ZNF395: variants seen among roughly 807,000 people sequenced by gnomAD.
ZNF395 encodes zinc finger protein 395, also known as HD gene regulatory region-binding protein 2.
A neutral mutation model predicts 57.7 loss-of-function variants in ZNF395; 20 were observed. The ratio of observed to expected loss-of-function variants is 0.35; its 90% CI spans 0.24 to 0.50. The LOEUF is 0.50. ZNF395 is among the 20% of genes least tolerant of loss of function. The pLI, the probability that ZNF395 is intolerant of heterozygous loss-of-function variation, is 0.97. For synonymous variants in ZNF395, 295 were observed against 275.9 expected (o/e 1.07, Z -0.69); for missense variants, 606 against 671.2 (o/e 0.90, Z 1.07).
In ZNF395 at chr8:28,351,708, GGCAGCA is replaced by G. The variant is rs547945591; in HGVS notation, c.1014_1019del (p.Ala340_Ala341del). On this transcript the variant is annotated inframe_deletion, in exon 7 of 10. Transcript: ENST00000344423. Reference sequence around the variant, plus strand: ...GAGTCCCAGGGACTGGGGTGCCTGCGGCAGCAGCAGCAGCAGCAGCAGCAGATTCCT... The same window carrying G: ...GAGTCCCAGGGACTGGGGTGCCTGCGGCAGCAGCAGCAGCAGCAGATTCCT... 2.2e-5 allele frequency: 36 copies of G among 1,608,814 alleles called. No individual in the cohort carries two copies. Among genetic ancestry groups the G allele is most frequent in the Middle Eastern group, 1.6e-4 (1 of 6,080 alleles).
At chr8:28,376,783 T>A (rs1182903301) in intron 1 of ZNF395, among the ~76,000 whole-genome samples, 1 of 152,196 alleles carries the variant, frequency 6.6e-6, no homozygotes, top group Non-Finnish European at 1.5e-5. Flanking sequence ...TGTCATCAAA[T>A]GTACAAAAAT....
intron 1 of ZNF395, among the ~76,000 whole-genome samples, chr8:28,385,771 G>A (rs1377492109): frequency 1.3e-5 from 2 of 148,610 alleles, no homozygotes; most frequent in South Asian, 2.1e-4. Context: ...TCCGAGAGTG[G>A]GGGCGCCGGC....
Position 28,352,753 on chromosome 8 carries a change from C to T in ZNF395, c.820-80G>A. 1 of 1,290,684 alleles carries T rather than the reference C, an allele frequency of 7.7e-7. No homozygotes were observed. The allele number at this position is 1,290,684 out of a possible 1,614,324, so 80.0% of individuals were successfully genotyped here. ...CAACCTTACCCAGTGGGGACTCAAA[C>T]TGGCTGCTGTCCCCGGCCTGACCCA... is the stretch of plus-strand genomic sequence containing the variant. On this transcript the variant is annotated intron_variant, in intron 5 of 9. Transcript: ENST00000344423. This position sits in a 1 kb window ranked among gnomAD's most constrained non-coding sequence, Gnocchi z 4.0.
intron 1 of ZNF395, among the ~76,000 whole-genome samples, chr8:28,378,203 C>G (rs1802067344): frequency 6.6e-6 from 1 of 152,088 alleles, no homozygotes; most frequent in Non-Finnish European, 1.5e-5. Flanking sequence ...TGAGTTCTGA[C>G]CCAACTTAAA....
At chr8:28,379,744 A>C (rs887738850) in intron 1 of ZNF395, among the ~76,000 whole-genome samples, 1 of 151,004 alleles carries the variant, frequency 6.6e-6, no homozygotes, top group Non-Finnish European at 1.5e-5. Flanking sequence ...CATCTACTTT[A>C]CCCTTTCTTG....
At chr8:28,358,728 T>C (rs996324730) in intron 3 of ZNF395, among the ~76,000 whole-genome samples, 15 of 152,182 alleles carry the variant, frequency 9.9e-5, no homozygotes, top group Admixed American at 2.0e-4. Context: ...CTGGCCTAAA[T>C]AGTTTTAAAA....
chr8:28,360,237 C>T (rs973739331), intron 2 of ZNF395, among the ~76,000 whole-genome samples: 28 of 152,242 alleles, frequency 1.8e-4, no homozygotes, highest in Non-Finnish European at 1.5e-5. Context: ...GGTGCAGAGA[C>T]AGGCCAACCT....
chr8:28,362,951 A>C (rs1801867679), intron 1 of ZNF395, among the ~76,000 whole-genome samples: 1 of 152,214 alleles, frequency 6.6e-6, no homozygotes, highest in South Asian at 2.1e-4. Context: ...AAAAGGTTGG[A>C]GTCACAGCAC....
At position 28,360,971 on chromosome 8, in the gene ZNF395, T is replaced by C. The variant is rs1195907743; in HGVS notation, c.154A>G (p.Thr52Ala). Reference sequence around the variant, plus strand: ...TCCTTGGGCTGCTCCTGGCAGGGGGTGTCATCAGAGGTGGTGAAAGGCTGG... The same window carrying C: ...TCCTTGGGCTGCTCCTGGCAGGGGGCGTCATCAGAGGTGGTGAAAGGCTGG... Reference protein sequence around the residue: ...APQPFTTSDDTPCQEQPKEVL... With the variant: ...APQPFTTSDDAPCQEQPKEVL... Residue 52 changes from threonine (T) to alanine (A), a missense_variant, in exon 2 of 10, where the codon ACC becomes GCC. By Grantham distance (58) the Thr-to-Ala change is moderately conservative. Around this residue, in one of 3 missense-constraint regions of ZNF395, gnomAD observed 309 missense variants for 374.7 expected, o/e 0.82. Coordinates refer to ENST00000344423, the MANE Select transcript of ZNF395 (RefSeq NM_018660.3). The C allele has an allele frequency of 6.2e-7, 1 of 1,612,930 alleles. No individual in the cohort carries two copies. Among genetic ancestry groups the C allele is most frequent in the East Asian group, 2.2e-5 (1 of 44,878 alleles).
At chr8:28,350,357 G>A (rs930692510) in intron 7 of ZNF395, among the ~76,000 whole-genome samples, 4 of 152,152 alleles carry the variant, frequency 2.6e-5, no homozygotes, top group Admixed American at 1.3e-4. Flanking sequence ...TCCTTATTGC[G>A]AGGCTCCAAT....
chr8:28,367,891 GA>G (rs1266514145), intron 1 of ZNF395, among the ~76,000 whole-genome samples: 1 of 152,218 alleles, frequency 6.6e-6, no homozygotes, highest in African/African-American at 2.4e-5. Flanking sequence ...AAAGTATCAA[GA>G]GCATTCGAAC....
Position 28,352,536 on chromosome 8 carries a change from C to T in ZNF395, c.920+37G>A, listed in dbSNP as rs561682089. ...TCGGCAGGGTGGAGGGACACCCACA[C>T]GCGACCCTAGGCTAGAGGCCCTGGG... On this transcript the variant is annotated intron_variant, in intron 6 of 9. Coordinates refer to ENST00000344423, the MANE Select transcript of ZNF395 (RefSeq NM_018660.3). This position sits in a 1 kb window ranked among gnomAD's most constrained non-coding sequence, Gnocchi z 4.0. The T allele has an allele frequency of 1.0e-5, 16 of 1,583,746 alleles. No individual in the cohort carries two copies. The highest frequency in any genetic ancestry group is 1.7e-4 in the Middle Eastern group (1 of 5,896).
intron 4 of ZNF395, among the ~76,000 whole-genome samples, chr8:28,355,005 C>T (rs1429833732): frequency 1.3e-5 from 2 of 151,834 alleles, no homozygotes; most frequent in Admixed American, 1.3e-4. Context: ...TTGACTGGCA[C>T]ACAAAGAAAG....
In ZNF395 at chr8:28,356,683, C is replaced by A. The variant is rs749494663; in HGVS notation, c.570G>T (p.Glu190Asp). ...CCGCTTGCTCACCAGAGAAGTTGGCCTCGGTCCCGGGAGGACTCTGTACAA... is the reference window on the plus strand; with the variant it reads ...CCGCTTGCTCACCAGAGAAGTTGGCATCGGTCCCGGGAGGACTCTGTACAA... ...SPVVQSPPGT[E>D]ANFSASRAAC... The change falls in exon 4 of 10, where the codon GAG becomes GAT. Residue 190 changes from glutamate to aspartate, a missense_variant. Transcript: ENST00000344423. The surrounding 1 kb of genome is among the most constrained non-coding windows in gnomAD (Gnocchi z 4.0). 1 of 1,613,970 alleles carries A rather than the reference C, an allele frequency of 6.2e-7. No individual in the cohort carries two copies. Among genetic ancestry groups the A allele is most frequent in the East Asian group, 2.2e-5 (1 of 44,880 alleles).
intron 4 of ZNF395, among the ~76,000 whole-genome samples, chr8:28,354,004 T>G (rs1801750652): frequency 6.6e-6 from 1 of 152,210 alleles, no homozygotes; most frequent in African/African-American, 2.4e-5. Flanking sequence ...CAACTCAGCC[T>G]TTGCAACTCT....
intron 5 of ZNF395, 141 bp downstream of exon 5, chr8:28,353,032 A>G: frequency 1.4e-6 from 1 of 716,060 alleles, no homozygotes. Context: ...CAGGTAACAG[A>G]AGCAGCAATA....
rs180880374 is a variant in ZNF395 at position 28,354,877 on chromosome 8, C to A, written c.584-1469G>T. On this transcript the variant is annotated intron_variant, in intron 4 of 9. Transcript: ENST00000344423. ...ATACTACATGGCAACATCTAGGATG[C>A]TCAGGACTCCGGGACAAAGAGCAGG... Among the ~76,000 whole-genome samples, 90 of 151,302 alleles carry A rather than the reference C, an allele frequency of 5.9e-4. 1 individual carries two copies. Among genetic ancestry groups the A allele is most frequent in the Admixed American group, 5.3e-3 (80 of 15,092 alleles).
At chr8:28,363,889 T>C (rs886198604) in intron 1 of ZNF395, among the ~76,000 whole-genome samples, 2 of 152,206 alleles carry the variant, frequency 1.3e-5, no homozygotes, top group Non-Finnish European at 2.9e-5. Context: ...CGGATTCGCA[T>C]GGAGCTGGTG....
Position 28,356,769 on chromosome 8 carries a change from C to A in ZNF395, c.484G>T (p.Ala162Ser). Residue 162 changes from alanine (A) to serine (S), a missense_variant, in exon 4 of 10, where the codon GCA becomes TCA. Physicochemically the swap from Ala to Ser is moderately conservative, Grantham distance 99 (BLOSUM62 1). Coordinates refer to ENST00000344423, the MANE Select transcript of ZNF395 (RefSeq NM_018660.3). This position sits in a 1 kb window ranked among gnomAD's most constrained non-coding sequence, Gnocchi z 4.0. ...NIDVPKRKSDAVEMDEMMAAM... is the reference protein window; with the variant it reads ...NIDVPKRKSDSVEMDEMMAAM... ...GCCATCATCTCATCCATTTCCACTG[C>A]GTCCGACTTCCTGGATTCACACGGA... The A allele has an allele frequency of 6.2e-7, 1 of 1,613,932 alleles. No homozygotes were observed. The highest frequency in any genetic ancestry group is 8.5e-7 in the Non-Finnish European group (1 of 1,179,860).
Sources: allele counts gnomAD v4.1 joint callset (sites outside exome capture counted in the v4.1 genomes callset), GRCh38; gene constraint gnomAD v4.1.1; regional missense constraint gnomAD v4.1.1; non-coding constraint Gnocchi (gnomAD v3.1); transcripts MANE v1.5; gene names NCBI Gene and HGNC (gene_info 2026-07-23, HGNC 2026-07-21).